ZDHHC13: variants seen among roughly 807,000 people sequenced by gnomAD.
ZDHHC13 encodes the protein zDHHC palmitoyltransferase 13.
Under a neutral mutation model 86.0 loss-of-function variants are expected in ZDHHC13, and 85 were observed. The ratio of observed to expected loss-of-function variants is 0.99; its 90% CI spans 0.83 to 1.18. The LOEUF is 1.18. ZDHHC13 is among the 50% of genes most tolerant of loss of function. ZDHHC13 has a pLI of 0.00. For synonymous variants in ZDHHC13, 263 were observed against 246.4 expected (o/e 1.07, Z -0.63); for missense variants, 711 against 730.2 (o/e 0.97, Z 0.30).
rs1228711445 is a variant in ZDHHC13, at chr11:19,172,738, C to T, written c.1648C>T (p.Leu550=). The change falls in exon 16 of 17, where the codon CTG becomes TTG. Residue 550 remains leucine, a synonymous_variant. Coordinates refer to ENST00000446113, the MANE Select transcript of ZDHHC13 (RefSeq NM_019028.3). ...TCTTTTTCAGATTGCCTTTCTGGGC[C>T]TGACCTCCCATGAGAGAATCAGCCT... ...NQLFQIAFLG[L]TSHERISLQK... is the part of the protein sequence containing the mutation. 1.2e-6 allele frequency: 2 copies of T among 1,601,672 alleles called. No homozygotes were observed. The highest frequency in any genetic ancestry group is 4.5e-5 in the East Asian group (2 of 44,466).
rs189098227 is a variant in ZDHHC13, at chr11:19,159,180, C to T, written c.1108+140C>T. On this transcript the variant is annotated intron_variant, in intron 10 of 16. Transcript: ENST00000446113. ...TTCATTTAATGGTTCTGGATGAAGA[C>T]GTTTAATGTTGAAAATCTACTTGAT... is the stretch of plus-strand genomic sequence containing the variant. 28 of 559,574 alleles carry T rather than the reference C, an allele frequency of 5.0e-5. No homozygotes were observed. In the East Asian group the frequency reaches 7.5e-4, roughly 15 times the overall value. 34.7% of individuals were successfully genotyped at this position (559,574 alleles called of 1,614,324 possible).
chr11:19,141,999 C>T (rs1358601729), intron 1 of ZDHHC13, among the ~76,000 whole-genome samples: 1 of 152,090 alleles, frequency 6.6e-6, no homozygotes, highest in Non-Finnish European at 1.5e-5. Flanking sequence ...TACTTATTAG[C>T]ACTATGCTTT....
chr11:19,138,804 G>A (rs1248060857), intron 1 of ZDHHC13, among the ~76,000 whole-genome samples: 1 of 151,942 alleles, frequency 6.6e-6, no homozygotes. Flanking sequence ...CAGAACCAAA[G>A]ACAAAAACCA....
chr11:19,160,256 A>G (rs1330727188), intron 10 of ZDHHC13, among the ~76,000 whole-genome samples: 1 of 151,916 alleles, frequency 6.6e-6, no homozygotes, highest in Non-Finnish European at 1.5e-5. Flanking sequence ...CACAGCATAC[A>G]TTGGGGCCAT....
At chr11:19,175,538 GCC>G (rs1850341232) in intron 16 of ZDHHC13, among the ~76,000 whole-genome samples, 1 of 151,988 alleles carries the variant, frequency 6.6e-6, no homozygotes, top group African/African-American at 2.4e-5. Flanking sequence ...GATGTCAGTG[GCC>G]AGTCCATTAA....
chr11:19,149,079 A>AT (rs1394961323), intron 4 of ZDHHC13, 108 bp from the exon 5 acceptor site: 45 of 1,054,938 alleles, frequency 4.3e-5, no homozygotes, highest in Non-Finnish European at 5.2e-5. Flanking sequence ...GTTAGGAAAT[A>AT]TTTTTTATAT....
intron 8 of ZDHHC13, 128 bp from the exon 9 acceptor site, chr11:19,155,668 C>G: frequency 1.1e-6 from 1 of 875,582 alleles, no homozygotes; most frequent in Non-Finnish European, 1.6e-6. Flanking sequence ...TAGAGGAAAA[C>G]TTTGTGTTAG....
rs1444691693 is a variant in ZDHHC13 at position 19,117,933 on chromosome 11, A to G, written c.27+657A>G. On this transcript the variant is annotated intron_variant, in intron 1 of 16. Coordinates refer to ENST00000446113, the MANE Select transcript of ZDHHC13 (RefSeq NM_019028.3). This position sits in a 1 kb window ranked among gnomAD's most constrained non-coding sequence, Gnocchi z 4.2. The stretch of plus-strand genomic sequence containing the variant: ...GCCAGGCGGGCCAGTCGGAGAAGTT[A>G]CAGGAGGTAGATGTTGTCTCCAAGA... 6.6e-6 allele frequency: 1 copy of G among 152,338 alleles called. No homozygotes were observed. Among genetic ancestry groups the G allele is most frequent in the African/African-American group, 2.4e-5 (1 of 41,464 alleles). The allele number at this position is 152,338 out of a possible 1,614,324, so 9.4% of individuals were successfully genotyped here. A position where few individuals can be genotyped will look rare whatever the true frequency, so the allele number is the denominator to read the frequency against.
intron 1 of ZDHHC13, among the ~76,000 whole-genome samples, chr11:19,142,649 A>T (rs1849352704): frequency 6.6e-6 from 1 of 152,176 alleles, no homozygotes; most frequent in Non-Finnish European, 1.5e-5. Context: ...TATGAACAAA[A>T]TATGTAATTT....
intron 14 of ZDHHC13, chr11:19,166,836 T>G (rs1021498087): frequency 1.3e-5 from 2 of 153,214 alleles, no homozygotes; most frequent in African/African-American, 4.8e-5. Context: ...AACTGAGAAC[T>G]GATGGGAATA....
chr11:19,143,731 T>A (rs148687969), intron 2 of ZDHHC13, among the ~76,000 whole-genome samples: 86 of 152,340 alleles, frequency 5.6e-4, no homozygotes, highest in African/African-American at 2.0e-3. Flanking sequence ...CCCCTTAAGA[T>A]CTCCATATGT....
At chr11:19,137,295 C>G (rs1476707193) in intron 1 of ZDHHC13, among the ~76,000 whole-genome samples, 5 of 151,940 alleles carry the variant, frequency 3.3e-5, no homozygotes, top group Non-Finnish European at 5.9e-5. Flanking sequence ...GACTTTGAAC[C>G]AACAAAGATC....
intron 1 of ZDHHC13, among the ~76,000 whole-genome samples, chr11:19,127,793 T>G (rs1848909633): frequency 6.6e-6 from 1 of 152,226 alleles, no homozygotes; most frequent in African/African-American, 2.4e-5. Flanking sequence ...CTTCCTATTC[T>G]ATTCCATTCA....
At chr11:19,147,134 A>T (rs556017381) in intron 3 of ZDHHC13, among the ~76,000 whole-genome samples, 2 of 152,300 alleles carry the variant, frequency 1.3e-5, no homozygotes, top group African/African-American at 4.8e-5. Flanking sequence ...TAACTTTTCC[A>T]AAAGGATTTT....
Position 19,155,818 on chromosome 11 carries a change from C to T in ZDHHC13, c.896C>T (p.Ser299Phe). Reference protein sequence around the residue: ...KCELFLLLMLSVITMWAIGYI... With the variant: ...KCELFLLLMLFVITMWAIGYI... Reference sequence around the variant, plus strand: ...TAGCTCTTCCTGCTGCTGATGCTTTCTGTGATTACCATGTGGGCTATTGGA... The same window carrying T: ...TAGCTCTTCCTGCTGCTGATGCTTTTTGTGATTACCATGTGGGCTATTGGA... The change falls in exon 9 of 17, where the codon TCT (serine) becomes TTT (phenylalanine). Residue 299 changes from serine to phenylalanine, a missense_variant. Transcript: ENST00000446113. 1.2e-6 allele frequency: 2 copies of T among 1,611,760 alleles called. No individual in the cohort carries two copies. The highest frequency in any genetic ancestry group is 1.7e-6 in the Non-Finnish European group (2 of 1,179,514).
chr11:19,147,782 C>CA, intron 4 of ZDHHC13, 109 bp downstream of exon 4: 2 of 728,726 alleles, frequency 2.7e-6, no homozygotes, highest in Non-Finnish European at 4.0e-6. Flanking sequence ...TCCCCCCCCC[C>CA]CTTTATTTAA....
Position 19,143,018 on chromosome 11 carries a change from G to A in ZDHHC13, c.68G>A (p.Gly23Asp). ...CATGGCCCCCACCCTCCAGGATTTG[G>A]TCGATATGGCATCTGTGCACATGAA... ...HSHGPHPPGFGRYGICAHENK... is the reference protein window; with the variant it reads ...HSHGPHPPGFDRYGICAHENK... Residue 23 changes from glycine (G) to aspartate (D), a missense_variant, in exon 2 of 17, where the codon GGT becomes GAT. Coordinates refer to ENST00000446113, the MANE Select transcript of ZDHHC13 (RefSeq NM_019028.3). The A allele has an allele frequency of 6.2e-7, 1 of 1,611,936 alleles. No homozygotes were observed. The highest frequency in any genetic ancestry group is 2.2e-5 in the East Asian group (1 of 44,866).
chr11:19,131,375 G>C (rs1040817388), intron 1 of ZDHHC13, among the ~76,000 whole-genome samples: 14 of 151,826 alleles, frequency 9.2e-5, no homozygotes, highest in Admixed American at 2.6e-4. Flanking sequence ...TATCCTACTT[G>C]GGATCCATTA....
intron 16 of ZDHHC13, among the ~76,000 whole-genome samples, chr11:19,175,256 G>A (rs186777453): frequency 1.3e-5 from 2 of 151,774 alleles, no homozygotes. Context: ...CGGGTGTGGT[G>A]GTGGGCGCCT....
Sources: gnomAD v4.1 joint callset for allele counts (sites outside exome capture counted in the v4.1 genomes callset) on GRCh38, gnomAD v4.1.1 for gene constraint, Gnocchi (gnomAD v3.1) non-coding constraint, MANE v1.5 for transcripts, NCBI Gene and HGNC (gene_info 2026-07-23, HGNC 2026-07-21) for gene names.